Variants in MAPK10 observed in about 807,000 individuals in gnomAD.
The protein encoded by MAPK10 is mitogen-activated protein kinase 10, also known as JNK3 alpha protein kinase.
Under a neutral mutation model 59.3 loss-of-function variants are expected in MAPK10, and 25 were observed. That is an observed-to-expected ratio of 0.42 (90% CI 0.31 to 0.59). MAPK10 has a LOEUF of 0.59. Among genes scored for constraint, MAPK10 ranks in the 20% least tolerant of loss-of-function variants. The pLI, the probability that MAPK10 is intolerant of heterozygous loss-of-function variation, is 0.15. For synonymous variants in MAPK10, 190 were observed against 200.5 expected (o/e 0.95, Z 0.44); for missense variants, 351 against 568.9 (o/e 0.62, Z 3.90).
intron 2 of MAPK10, among the ~76,000 whole-genome samples, chr4:86,350,360 A>G (rs1327454070): frequency 7.2e-5 from 11 of 152,172 alleles, no homozygotes; most frequent in Middle Eastern, 3.4e-3. Context: ...GACTACAGGA[A>G]CCCGCCACCA....
chr4:86,506,744 G>T (rs1002691152), intron 1 of MAPK10, among the ~76,000 whole-genome samples: 1 of 152,082 alleles, frequency 6.6e-6, no homozygotes, highest in Non-Finnish European at 1.5e-5. Flanking sequence ...CGACTCAAAG[G>T]TCAAGAGGAG....
intron 2 of MAPK10, among the ~76,000 whole-genome samples, chr4:86,259,798 T>C (rs1280245711): frequency 2.0e-5 from 3 of 152,104 alleles, no homozygotes; most frequent in African/African-American, 7.2e-5. Context: ...TCTGCCATTA[T>C]CCAATAAATT....
At chr4:86,519,799 G>T (rs1756981938) in intron 1 of MAPK10, among the ~76,000 whole-genome samples, 1 of 152,108 alleles carries the variant, frequency 6.6e-6, no homozygotes, top group Admixed American at 6.6e-5. Context: ...ATTTCTTGTA[G>T]TACTGGCTTG....
chr4:86,265,863 T>C (rs1261126598), intron 2 of MAPK10, among the ~76,000 whole-genome samples: 1 of 152,198 alleles, frequency 6.6e-6, no homozygotes, highest in East Asian at 1.9e-4. Context: ...ATGCCACCCA[T>C]TGTTGAGTTG....
intron 1 of MAPK10, among the ~76,000 whole-genome samples, chr4:86,520,215 A>G (rs1452058567): frequency 6.6e-6 from 1 of 152,208 alleles, no homozygotes; most frequent in Non-Finnish European, 1.5e-5. Flanking sequence ...TAAGCTTTCC[A>G]AACTTTTAGA....
intron 3 of MAPK10, among the ~76,000 whole-genome samples, chr4:86,169,952 C>A (rs1328900658): frequency 2.0e-5 from 3 of 152,100 alleles, no homozygotes. Context: ...AATTTCATAT[C>A]CAGCCAAACT....
intron 1 of MAPK10, among the ~76,000 whole-genome samples, chr4:86,411,505 T>C (rs1288896970): frequency 6.6e-6 from 1 of 152,168 alleles, no homozygotes; most frequent in Non-Finnish European, 1.5e-5. Flanking sequence ...AGTGGAGTGT[T>C]AAAGTCTCCC....
chr4:86,382,410 T>C (rs778567499), intron 1 of MAPK10, among the ~76,000 whole-genome samples: 2 of 152,162 alleles, frequency 1.3e-5, no homozygotes, highest in Non-Finnish European at 2.9e-5. Flanking sequence ...TTACTTATTA[T>C]TCTAATTGTA....
At chr4:86,021,622 G>A (rs1041960662) in intron 13 of MAPK10, among the ~76,000 whole-genome samples, 3 of 152,248 alleles carry the variant, frequency 2.0e-5, no homozygotes, top group African/African-American at 7.2e-5. Flanking sequence ...CTCAGCCCTT[G>A]GGTGGTCGCT....
intron 11 of MAPK10, chr4:86,044,856 C>T: frequency 2.5e-6 from 1 of 396,652 alleles, no homozygotes; most frequent in Non-Finnish European, 4.5e-6. Flanking sequence ...GAAAGATTTT[C>T]ATCTACTGCT....
upstream of MAPK10, among the ~76,000 whole-genome samples, chr4:86,362,839 T>C (rs1737229752): frequency 1.3e-5 from 2 of 152,108 alleles, no homozygotes; most frequent in Admixed American, 6.6e-5. Flanking sequence ...CCTACATATA[T>C]TGGTAGGAGT....
At chr4:86,477,401 C>T (rs1185890605) in intron 1 of MAPK10, among the ~76,000 whole-genome samples, 2 of 152,130 alleles carry the variant, frequency 1.3e-5, no homozygotes, top group Non-Finnish European at 2.9e-5. Context: ...TGGGCTACAG[C>T]CACACCTCAT....
At chr4:86,139,571 A>T (rs1162758330) in intron 4 of MAPK10, among the ~76,000 whole-genome samples, 1 of 152,232 alleles carries the variant, frequency 6.6e-6, no homozygotes, top group Non-Finnish European at 1.5e-5. Context: ...ACCTAAAACC[A>T]TAAAAACCCT....
At chr4:86,417,785 T>C (rs915774623) in intron 1 of MAPK10, among the ~76,000 whole-genome samples, 2 of 152,264 alleles carry the variant, frequency 1.3e-5, no homozygotes, top group African/African-American at 4.8e-5. Context: ...TAGAGGGTCT[T>C]ACTGACCTTT....
chr4:86,235,633 G>A (rs985933849), intron 2 of MAPK10, among the ~76,000 whole-genome samples: 4 of 152,126 alleles, frequency 2.6e-5, no homozygotes, highest in Admixed American at 1.3e-4. Flanking sequence ...GCATTGTACT[G>A]CTAATGTAAA....
At chr4:86,190,324 A>G (rs1372407009) in intron 3 of MAPK10, among the ~76,000 whole-genome samples, 1 of 152,136 alleles carries the variant, frequency 6.6e-6, no homozygotes. Context: ...AAGGAATGAT[A>G]CCAGCTCTTC....
rs774181125 is a variant in MAPK10 at position 86,029,246 on chromosome 4, T to C, written c.1203A>G (p.Ser401=). ...KELIYKEVMN[S]EEKTKNGVVK... is the part of the protein sequence containing the mutation. ...CTACACCATTTTTAGTCTTTTCTTC[T>C]GAATTCATTACTTCCTTGTAGATAA... The change falls in exon 13 of 14, where the codon TCA becomes TCG. Residue 401 remains serine (S), a synonymous_variant. Transcript: ENST00000641462. The C allele has an allele frequency of 1.9e-6, 3 of 1,610,828 alleles. No homozygotes were observed. In the South Asian group the frequency reaches 3.3e-5, roughly 18 times the overall value.
rs139638147 is a variant in MAPK10 at position 86,010,596 on chromosome 4, C to G, written c.*6632G>C. 1 of 152,090 alleles carries G rather than the reference C, an allele frequency of 6.6e-6. No homozygotes were observed. The highest frequency in any genetic ancestry group is 2.4e-5 in the African/African-American group (1 of 41,414). The allele number at this position is 152,090 out of a possible 1,614,324, so 9.4% of individuals were successfully genotyped here. A position where few individuals can be genotyped will look rare whatever the true frequency, so the allele number is the denominator to read the frequency against. ...GCTTGATTTACACCAAATCCAAGTT[C>G]GCAATGTATTAACATGAAGGAATAG... On this transcript the variant is annotated 3_prime_UTR_variant, in exon 14 of 14. Transcript: ENST00000641462.
At chr4:86,373,129 A>C (rs1442309991) in intron 1 of MAPK10, among the ~76,000 whole-genome samples, 3 of 152,154 alleles carry the variant, frequency 2.0e-5, no homozygotes, top group African/African-American at 7.2e-5. Flanking sequence ...TCTGAGTTTC[A>C]ACAAACCTCA....
Sources: allele counts gnomAD v4.1 joint callset (sites outside exome capture counted in the v4.1 genomes callset), GRCh38; gene constraint gnomAD v4.1.1; transcripts MANE v1.5; gene names NCBI Gene and HGNC (gene_info 2026-07-23, HGNC 2026-07-21).